CPNE8: variants seen among roughly 807,000 people sequenced by gnomAD.
The protein encoded by CPNE8 is copine-8.
A neutral mutation model predicts 81.5 loss-of-function variants in CPNE8; 45 were observed. The observed-to-expected ratio is 0.55, with a 90% confidence interval of 0.44 to 0.71. The LOEUF (loss-of-function observed/expected upper bound fraction) is 0.71, where lower values mean the gene tolerates loss of function less well. Ranked by LOEUF, CPNE8 falls within the 30% of genes least tolerant of loss-of-function variation. The probability of loss-of-function intolerance (pLI) is 0.00; values close to 1 mark genes in which losing one functional copy is unlikely to be tolerated. For missense variants in CPNE8, 594 were observed against 672.1 expected (o/e 0.88, Z 1.28); for synonymous variants, 252 against 226.3 (o/e 1.11, Z -1.02).
intron 10 of CPNE8, among the ~76,000 whole-genome samples, chr12:38,732,831 GAATAA>G (rs770908803): frequency 5.3e-5 from 8 of 151,900 alleles, no homozygotes; most frequent in Non-Finnish European, 1.0e-4. Flanking sequence ...ATGAAACAAT[GAATAA>G]AATATTAGTC....
intron 6 of CPNE8, among the ~76,000 whole-genome samples, chr12:38,811,759 C>T (rs1942939951): frequency 6.6e-6 from 1 of 152,154 alleles, no homozygotes; most frequent in Non-Finnish European, 1.5e-5. Flanking sequence ...GTAGTCCTAG[C>T]TATTTGGGAG....
At chr12:38,835,680 T>C (rs1331370290) in intron 5 of CPNE8, among the ~76,000 whole-genome samples, 1 of 152,182 alleles carries the variant, frequency 6.6e-6, no homozygotes, top group Non-Finnish European at 1.5e-5. Flanking sequence ...CTTGCCCCAC[T>C]TAAAAATCTG....
At chr12:38,808,012 T>G (rs570091692) in intron 6 of CPNE8, among the ~76,000 whole-genome samples, 72 of 152,192 alleles carry the variant, frequency 4.7e-4, no homozygotes, top group African/African-American at 1.6e-3. Flanking sequence ...ATGCTCATCA[T>G]CACTGGCCAT....
Position 38,771,336 on chromosome 12 carries a change from C to T in CPNE8, c.472-3598G>A, listed in dbSNP as rs566993813. ...AAAAATTAGCCAGGTGTGGCGGTGC[C>T]TGCCTATGTTCCCAGCTAGGAGGGA... On this transcript the variant is annotated intron_variant, in intron 7 of 19. Transcript: ENST00000331366. 1.1e-3 allele frequency among the ~76,000 whole-genome samples: 157 copies of T among 146,436 alleles called. 4 individuals carry two copies. In the South Asian group the frequency reaches 0.015, roughly 14 times the overall value.
chr12:38,703,008 T>C (rs1939987682), intron 13 of CPNE8, 87 bp from the exon 14 acceptor site: 1 of 907,618 alleles, frequency 1.1e-6, no homozygotes, highest in Admixed American at 2.4e-5. Context: ...TTTTTTAATG[T>C]CACTGATTTT....
intron 6 of CPNE8, among the ~76,000 whole-genome samples, chr12:38,802,700 A>G (rs1283002127): frequency 6.6e-6 from 1 of 151,982 alleles, no homozygotes; most frequent in Non-Finnish European, 1.5e-5. Flanking sequence ...ACCCTTCCAA[A>G]AATCAATGAA....
chr12:38,684,308 G>A (rs967238408), intron 16 of CPNE8, among the ~76,000 whole-genome samples: 8 of 151,956 alleles, frequency 5.3e-5, no homozygotes, highest in African/African-American at 1.7e-4. Context: ...TTGTATTTAA[G>A]AAAAGAGAAA....
At chr12:38,732,944 A>G (rs1228693906) in intron 10 of CPNE8, among the ~76,000 whole-genome samples, 2 of 152,030 alleles carry the variant, frequency 1.3e-5, no homozygotes, top group Non-Finnish European at 2.9e-5. Context: ...TAGAGGAGAA[A>G]GTATGTTGAT....
intron 6 of CPNE8, among the ~76,000 whole-genome samples, chr12:38,802,729 G>T (rs1454978394): frequency 3.3e-5 from 5 of 151,104 alleles, no homozygotes; most frequent in Non-Finnish European, 7.4e-5. Context: ...CTGGTTTTTT[G>T]AAAGGATCAA....
intron 13 of CPNE8, among the ~76,000 whole-genome samples, chr12:38,710,130 C>A (rs183141677): frequency 1.2e-4 from 18 of 151,824 alleles, no homozygotes; most frequent in African/African-American, 3.9e-4. Context: ...TACTACTACT[C>A]CAAAATACAA....
chr12:38,731,303 G>A (rs1940825595), intron 10 of CPNE8, among the ~76,000 whole-genome samples: 1 of 151,906 alleles, frequency 6.6e-6, no homozygotes. Context: ...TTTTGCAAAT[G>A]CAAGCTATTC....
chr12:38,790,645 A>G (rs1374073503), intron 6 of CPNE8, among the ~76,000 whole-genome samples: 1 of 151,684 alleles, frequency 6.6e-6, no homozygotes, highest in Non-Finnish European at 1.5e-5. Context: ...GAGGGGATGG[A>G]TACCATATTT....
chr12:38,669,038 C>T (rs980079361), intron 19 of CPNE8, among the ~76,000 whole-genome samples: 7 of 134,754 alleles, frequency 5.2e-5, no homozygotes, highest in Non-Finnish European at 8.2e-5. Context: ...TGGGCAACAG[C>T]GAGACTCTGC....
At chr12:38,696,959 A>C (rs1436855338) in intron 14 of CPNE8, among the ~76,000 whole-genome samples, 3 of 152,190 alleles carry the variant, frequency 2.0e-5, no homozygotes, top group African/African-American at 7.2e-5. Flanking sequence ...AGGCTGGAGA[A>C]TCACTTGAGC....
chr12:38,795,179 C>T (rs1197740961), intron 6 of CPNE8, among the ~76,000 whole-genome samples: 1 of 152,216 alleles, frequency 6.6e-6, no homozygotes. Context: ...TTCCTTGCTC[C>T]TCAACCTGCA....
rs950147080 is a variant in CPNE8 at position 38,862,063 on chromosome 12, A to G, written c.186+10941T>C. Among the ~76,000 whole-genome samples the G allele has an allele frequency of 7.9e-5, 12 of 152,248 alleles. No individual in the cohort carries two copies. The South Asian group carries it at 1.9e-3, about 24-fold the overall frequency. On this transcript the variant is annotated intron_variant, in intron 3 of 19. Transcript: ENST00000331366. ...AAAACAAGACATAATTTGCTTTCCA[A>G]TGAAAGTTTTTACAACCACCAATAG...
intron 10 of CPNE8, among the ~76,000 whole-genome samples, chr12:38,738,248 A>G (rs1199512723): frequency 2.6e-5 from 4 of 152,150 alleles, no homozygotes; most frequent in African/African-American, 4.8e-5. Context: ...ACATGGGGGG[A>G]AAATGCATTT....
Position 38,654,027 on chromosome 12 carries a change from A to G in CPNE8, c.1550T>C (p.Ile517Thr), listed in dbSNP as rs1265869378. 1.2e-6 allele frequency: 2 copies of G among 1,612,186 alleles called. No homozygotes were observed. Among genetic ancestry groups the G allele is most frequent in the Non-Finnish European group, 1.7e-6 (2 of 1,179,354 alleles). ...RDYIDRSGNH[I>T]LSMARLAKDV... is the part of the protein sequence containing the mutation. The stretch of plus-strand genomic sequence containing the variant: ...TTTAGCCAATCTAGCCATGCTCAGT[A>G]TGTGGTTTCCACTTCTGTCAATATA... The change falls in exon 20 of 20, where the codon ATA (isoleucine) becomes ACA (threonine). Residue 517 changes from isoleucine (I) to threonine (T), a missense_variant. Transcript: ENST00000331366.
chr12:38,762,276 T>G (rs1296201858), intron 8 of CPNE8, 60 bp from the exon 9 acceptor site: 12 of 904,888 alleles, frequency 1.3e-5, no homozygotes, highest in Middle Eastern at 2.3e-4. Flanking sequence ...GATCTATTGT[T>G]TTAGTAGCCA....
Sources: allele counts gnomAD v4.1 joint callset (sites outside exome capture counted in the v4.1 genomes callset), GRCh38; gene constraint gnomAD v4.1.1; transcripts MANE v1.5; gene names NCBI Gene and HGNC (gene_info 2026-07-23, HGNC 2026-07-21).